Variants in GPC5 observed in about 807,000 individuals in gnomAD.
GPC5 encodes glypican-5.
GPC5 carries 47 observed loss-of-function variants against 53.9 expected under a neutral mutation model. That is an observed-to-expected ratio of 0.87 (90% CI 0.69 to 1.11). The LOEUF (loss-of-function observed/expected upper bound fraction) is 1.11. Among genes scored for constraint, GPC5 ranks in the 50% most tolerant of loss-of-function variants. GPC5 has a pLI of 0.00. For missense variants in GPC5, 748 were observed against 713.1 expected (o/e 1.05, Z -0.56); for synonymous variants, 286 against 263.3 (o/e 1.09, Z -0.84).
intron 2 of GPC5, among the ~76,000 whole-genome samples, chr13:91,617,133 G>A (rs1460059201): frequency 6.6e-6 from 1 of 152,060 alleles, no homozygotes; most frequent in Non-Finnish European, 1.5e-5. Context: ...GTCAGGGTTG[G>A]GTGTAGCAAT....
At chr13:92,043,103 G>A (rs1377746532) in intron 6 of GPC5, among the ~76,000 whole-genome samples, 1 of 151,832 alleles carries the variant, frequency 6.6e-6, no homozygotes, top group Non-Finnish European at 1.5e-5. Context: ...GAAGGAAAAT[G>A]AACAGAATAT....
intron 7 of GPC5, among the ~76,000 whole-genome samples, chr13:92,741,545 A>C (rs1889093817): frequency 6.6e-6 from 1 of 152,042 alleles, no homozygotes; most frequent in African/African-American, 2.4e-5. Context: ...GTGCATTAAT[A>C]ATGGAAGGCA....
intron 5 of GPC5, among the ~76,000 whole-genome samples, chr13:91,854,954 T>G (rs2038951379): frequency 6.6e-6 from 1 of 151,724 alleles, no homozygotes; most frequent in Admixed American, 6.6e-5. Context: ...TTTTTTCTAT[T>G]CTCTAAGATG....
chr13:91,615,306 T>C, intron 2 of GPC5, among the ~76,000 whole-genome samples: 1 of 152,166 alleles, frequency 6.6e-6, no homozygotes, highest in East Asian at 1.9e-4. Context: ...TTCCCACATG[T>C]CCACATACTA....
intron 2 of GPC5, among the ~76,000 whole-genome samples, chr13:91,649,740 T>C (rs1207049710): frequency 6.6e-6 from 1 of 152,130 alleles, no homozygotes; most frequent in African/African-American, 2.4e-5. Flanking sequence ...GATAAATCTT[T>C]TATGTGGCTG....
chr13:92,147,911 T>G (rs925690284), intron 7 of GPC5, among the ~76,000 whole-genome samples: 1 of 152,064 alleles, frequency 6.6e-6, no homozygotes, highest in African/African-American at 2.4e-5. Context: ...TTGCCCGTTT[T>G]GGCCCAGTTT....
Position 92,650,780 on chromosome 13 carries a change from G to T in GPC5, c.1562-215502G>T, listed in dbSNP as rs139945657. On this transcript the variant is annotated intron_variant, in intron 7 of 7. Transcript: ENST00000377067. Reference sequence around the variant, plus strand: ...GTATACAGTGAAATTTTTCTTTTAGGGTTTCCTTTTATTAATTTTTTAAAA... The same window carrying T: ...GTATACAGTGAAATTTTTCTTTTAGTGTTTCCTTTTATTAATTTTTTAAAA... Among the ~76,000 whole-genome samples the T allele has an allele frequency of 2.4e-4, 36 of 152,070 alleles. 1 individual carries two copies. The East Asian group carries it at 7.0e-3, about 29-fold the overall frequency.
chr13:91,548,958 A>G (rs1351053616), intron 2 of GPC5, among the ~76,000 whole-genome samples: 1 of 152,170 alleles, frequency 6.6e-6, no homozygotes, highest in African/African-American at 2.4e-5. Flanking sequence ...CTCAAAGTGG[A>G]TCATAGACGT....
At chr13:91,916,423 G>C (rs574796521) in intron 6 of GPC5, among the ~76,000 whole-genome samples, 7 of 152,116 alleles carry the variant, frequency 4.6e-5, no homozygotes, top group Non-Finnish European at 7.4e-5. Context: ...TAAATAAAAT[G>C]AGATATGTCC....
At chr13:91,702,349 T>A (rs1375725030) in intron 3 of GPC5, among the ~76,000 whole-genome samples, 3 of 152,094 alleles carry the variant, frequency 2.0e-5, no homozygotes, top group Admixed American at 2.0e-4. Flanking sequence ...TGGGGTCATA[T>A]CCAAAAAATC....
intron 7 of GPC5, among the ~76,000 whole-genome samples, chr13:92,680,436 G>A (rs1220502404): frequency 6.6e-6 from 1 of 152,130 alleles, no homozygotes; most frequent in Non-Finnish European, 1.5e-5. Flanking sequence ...GTTATACATA[G>A]ATGTTTTTAT....
chr13:92,186,361 A>C (rs997816506), intron 7 of GPC5, among the ~76,000 whole-genome samples: 1 of 151,996 alleles, frequency 6.6e-6, no homozygotes, highest in Non-Finnish European at 1.5e-5. Flanking sequence ...GATATAGTAT[A>C]ATTTCCAGAG....
At chr13:91,921,789 AAGAAAG>A (rs2039717493) in intron 6 of GPC5, among the ~76,000 whole-genome samples, 1 of 25,624 alleles carries the variant, frequency 3.9e-5, no homozygotes, top group African/African-American at 9.4e-5. Context: ...AAAAAAAAAA[AAGAAAG>A]AAAGAAAGAA....
At position 92,843,773 on chromosome 13, in the gene GPC5, A is replaced by T. The variant is rs115513352; in HGVS notation, c.1562-22509A>T. Among the ~76,000 whole-genome samples, 1,424 of 152,294 alleles carry T rather than the reference A, an allele frequency of 9.4e-3. 22 individuals carry two copies. Among genetic ancestry groups the T allele is most frequent in the African/African-American group, 0.032 (1,347 of 41,578 alleles). On this transcript the variant is annotated intron_variant, in intron 7 of 7. Coordinates refer to ENST00000377067, the MANE Select transcript of GPC5 (RefSeq NM_004466.6). ...CAGCTGTAATTTGACTAAATCTGTC[A>T]TCGATGTTGCTAAATAACAAGCGAG...
At chr13:92,107,695 A>G (rs1237203328) in intron 6 of GPC5, among the ~76,000 whole-genome samples, 2 of 152,326 alleles carry the variant, frequency 1.3e-5, no homozygotes, top group South Asian at 2.1e-4. Flanking sequence ...AATATATTTC[A>G]GGTCCTACAG....
At chr13:91,701,930 C>T (rs1395383049) in intron 3 of GPC5, among the ~76,000 whole-genome samples, 2 of 152,068 alleles carry the variant, frequency 1.3e-5, no homozygotes, top group African/African-American at 2.4e-5. Flanking sequence ...ACAAGTTTCC[C>T]CCTTTCTCCA....
At chr13:91,791,819 C>A (rs374383406) in intron 5 of GPC5, among the ~76,000 whole-genome samples, 1 of 152,118 alleles carries the variant, frequency 6.6e-6, no homozygotes, top group African/African-American at 2.4e-5. Context: ...AATATGGTTA[C>A]TCAGGACTGG....
chr13:92,750,237 G>T (rs1043365907), intron 7 of GPC5, among the ~76,000 whole-genome samples: 1 of 152,018 alleles, frequency 6.6e-6, no homozygotes, highest in African/African-American at 2.4e-5. Context: ...AAGTTTTCTC[G>T]CAATCATTTT....
intron 2 of GPC5, among the ~76,000 whole-genome samples, chr13:91,576,339 T>TATA (rs1555326493): frequency 5.6e-5 from 8 of 142,792 alleles, no homozygotes; most frequent in Admixed American, 1.4e-4. Context: ...ATATATATAT[T>TATA]GAAATCTGTT....
Sources: gnomAD v4.1 joint callset for allele counts (sites outside exome capture counted in the v4.1 genomes callset) on GRCh38, gnomAD v4.1.1 for gene constraint, MANE v1.5 for transcripts, NCBI Gene and HGNC (gene_info 2026-07-23, HGNC 2026-07-21) for gene names.